CWC25: variants seen among roughly 807,000 people sequenced by gnomAD.
The protein encoded by CWC25 is pre-mRNA-splicing factor CWC25 homolog.
CWC25 carries 31 observed loss-of-function variants against 54.6 expected under a neutral mutation model. The observed-to-expected ratio is 0.57, with a 90% confidence interval of 0.43 to 0.77. The LOEUF (loss-of-function observed/expected upper bound fraction) is 0.77, where lower values mean the gene tolerates loss of function less well. Among genes scored for constraint, CWC25 ranks in the 30% least tolerant of loss-of-function variants. The pLI, the probability that CWC25 is intolerant of heterozygous loss-of-function variation, is 0.00. For synonymous variants in CWC25, 151 were observed against 187.0 expected (o/e 0.81, Z 1.57); for missense variants, 453 against 529.3 (o/e 0.86, Z 1.41).
intron 1 of CWC25, among the ~76,000 whole-genome samples, chr17:38,824,392 A>G (rs1220424259): frequency 2.0e-5 from 3 of 152,152 alleles, no homozygotes; most frequent in Non-Finnish European, 4.4e-5. Flanking sequence ...TTCAGGCTTA[A>G]AAAGGACCCC....
chr17:38,818,231 G>A (rs569121266), intron 2 of CWC25, among the ~76,000 whole-genome samples: 1 of 151,498 alleles, frequency 6.6e-6, no homozygotes, highest in Middle Eastern at 3.4e-3. Flanking sequence ...AGCCAAGATC[G>A]CACCACTGCA....
At chr17:38,811,516 G>A (rs1911486909) in intron 4 of CWC25, among the ~76,000 whole-genome samples, 1 of 150,226 alleles carries the variant, frequency 6.7e-6, no homozygotes, top group Non-Finnish European at 1.5e-5. Context: ...ACTCCACCTT[G>A]GGCAACAGAG....
chr17:38,821,121 T>C, intron 1 of CWC25, 48 bp from the exon 2 acceptor site: 1 of 1,579,416 alleles, frequency 6.3e-7, no homozygotes, highest in Non-Finnish European at 8.6e-7. Flanking sequence ...GGTGACTGAG[T>C]GGTGGGTATA....
At chr17:38,823,159 C>CT (rs35287371) in intron 1 of CWC25, among the ~76,000 whole-genome samples, 25,359 of 122,448 alleles carry the variant, frequency 0.21, 3,185 homozygotes, top group Admixed American at 0.23. Flanking sequence ...TTTTTTTTAA[C>CT]TTTTTTTTTT....
chr17:38,812,660 C>A, intron 4 of CWC25, 135 bp downstream of exon 4: 1 of 561,688 alleles, frequency 1.8e-6, no homozygotes, highest in South Asian at 2.4e-5. Context: ...AAAATAGCCA[C>A]AACATGGTCT....
At chr17:38,802,665 C>T in intron 9 of CWC25, 35 bp downstream of exon 9, 5 of 1,610,752 alleles carry the variant, frequency 3.1e-6, no homozygotes, top group Non-Finnish European at 4.2e-6. Context: ...AGACCTTCCC[C>T]ATGAAAGACC....
chr17:38,807,748 CCT>C, intron 6 of CWC25, among the ~76,000 whole-genome samples: 1 of 123,118 alleles, frequency 8.1e-6, no homozygotes, highest in African/African-American at 3.5e-5. Flanking sequence ...AGAGAAAGAC[CCT>C]GTCTCAAAAA....
chr17:38,813,875 T>G (rs895653141), intron 3 of CWC25, among the ~76,000 whole-genome samples: 9 of 151,282 alleles, frequency 5.9e-5, no homozygotes, highest in African/African-American at 2.2e-4. Flanking sequence ...TGTTGTTGTT[T>G]TTTCGAGACG....
In CWC25 at chr17:38,814,967, A is replaced by G. The variant is rs749378484; in HGVS notation, c.322T>C (p.Ser108Pro). ...CCTGGGAGAAGTCCTGTTTCAGAAG[A>G]GCAGCCTGCCTCCTTCTCCTCCATC... ...EKMEEKEAGC[S>P]SETGLLPGSI... is the part of the protein sequence containing the mutation. Residue 108 changes from serine to proline, a missense_variant, in exon 3 of 10, where the codon TCT (serine) becomes CCT (proline). Transcript: ENST00000614790. The G allele has an allele frequency of 2.5e-6, 4 of 1,613,726 alleles. No individual in the cohort carries two copies. The African/African-American group carries it at 5.3e-5, about 22-fold the overall frequency.
At chr17:38,813,521 A>C (rs1911574321) in intron 3 of CWC25, among the ~76,000 whole-genome samples, 1 of 149,468 alleles carries the variant, frequency 6.7e-6, no homozygotes, top group African/African-American at 2.5e-5. Flanking sequence ...AAAGCCAAAA[A>C]TCTCTCACAA....
In CWC25 at chr17:38,809,695, TCC is replaced by T. The variant is rs1393382118; in HGVS notation, c.690+5_690+6del. The T allele has an allele frequency of 6.2e-7, 1 of 1,613,358 alleles. No individual in the cohort carries two copies. The highest frequency in any genetic ancestry group is 1.1e-5 in the South Asian group (1 of 91,038). ...AGTCACTCCTTTCAAGAAGCCCACATCCCTACCTGTAAGCCATATCCAGGGAC... is the reference window on the plus strand; with the variant it reads ...AGTCACTCCTTTCAAGAAGCCCACATCTACCTGTAAGCCATATCCAGGGAC... On this transcript the variant is annotated splice_donor_5th_base_variant and intron_variant, in intron 6 of 9. Transcript: ENST00000614790.
chr17:38,810,310 G>T, intron 5 of CWC25, 158 bp downstream of exon 5: 1 of 717,050 alleles, frequency 1.4e-6, no homozygotes, highest in Non-Finnish European at 2.2e-6. Flanking sequence ...GCATTAGATG[G>T]CAAGCTCTGT....
chr17:38,821,668 A>G (rs1189136306), intron 1 of CWC25, among the ~76,000 whole-genome samples: 2 of 152,200 alleles, frequency 1.3e-5, no homozygotes, highest in Non-Finnish European at 2.9e-5. Context: ...TCCACTAGCC[A>G]TACCTAAATC....
intron 2 of CWC25, among the ~76,000 whole-genome samples, chr17:38,819,952 G>A (rs750357671): frequency 4.0e-5 from 6 of 151,316 alleles, no homozygotes; most frequent in Admixed American, 2.0e-4. Context: ...GATTACAGGC[G>A]TAAGCCATCG....
At chr17:38,822,404 C>T (rs1205168573) in intron 1 of CWC25, among the ~76,000 whole-genome samples, 1 of 152,096 alleles carries the variant, frequency 6.6e-6, no homozygotes, top group Non-Finnish European at 1.5e-5. Flanking sequence ...TTAGCTTGGT[C>T]TACTTCACCT....
At chr17:38,817,339 CA>C (rs1162629766) in intron 2 of CWC25, among the ~76,000 whole-genome samples, 164 of 130,526 alleles carry the variant, frequency 1.3e-3, no homozygotes, top group Non-Finnish European at 1.1e-3. Flanking sequence ...GACTCGGTCT[CA>C]AAAAAAAAAA....
rs1327047355 is a variant in CWC25, at chr17:38,806,896, A to T, written c.771T>A (p.His257Gln). 6.2e-7 allele frequency: 1 copy of T among 1,613,800 alleles called. No individual in the cohort carries two copies. The highest frequency in any genetic ancestry group is 1.3e-5 in the African/African-American group (1 of 74,896). ...AGTGGGAGGAGCTTCTGGATCTGGA[A>T]TGGTTCTTCATCCCATGCCCTCTCT... ...EQKRGHGMKN[H>Q]SRSRSSSHSP... Residue 257 changes from histidine to glutamine, a missense_variant, in exon 7 of 10, where the codon CAT (histidine) becomes CAA (glutamine). This residue lies in a region of CWC25 where 444 missense variants were observed against 499.2 expected (regional missense o/e 0.89). Coordinates refer to ENST00000614790, the MANE Select transcript of CWC25 (RefSeq NM_017748.5).
chr17:38,806,171 G>T, intron 8 of CWC25, 126 bp downstream of exon 8: 1 of 801,466 alleles, frequency 1.2e-6, no homozygotes, highest in South Asian at 1.6e-5. Flanking sequence ...ACCCTTACAG[G>T]TTGGCAAGAT....
chr17:38,815,874 C>T (rs1598075349), intron 2 of CWC25: 1 of 264,926 alleles, frequency 3.8e-6, no homozygotes, highest in East Asian at 9.2e-5. Flanking sequence ...TAACACTACA[C>T]ATTTGAGGGG....
Sources: allele counts gnomAD v4.1 joint callset (sites outside exome capture counted in the v4.1 genomes callset), GRCh38; gene constraint gnomAD v4.1.1; regional missense constraint gnomAD v4.1.1; transcripts MANE v1.5; gene names NCBI Gene and HGNC (gene_info 2026-07-23, HGNC 2026-07-21).